The following CACNA1D variants were observed in gnomAD, a reference collection of about 807,000 sequenced individuals.
CACNA1D encodes the protein calcium voltage-gated channel subunit alpha1 D.
A neutral mutation model predicts 257.1 loss-of-function variants in CACNA1D; 55 were observed. The observed-to-expected ratio is 0.21, with a 90% CI of 0.17 to 0.27. The LOEUF (loss-of-function observed/expected upper bound fraction) is 0.27. CACNA1D is among the 10% of genes least tolerant of loss of function. CACNA1D has a pLI of 1.00. For synonymous variants in CACNA1D, 980 were observed against 1,014.9 expected (o/e 0.97, Z 0.65); for missense variants, 1,876 against 2,784.0 (o/e 0.67, Z 7.34).
At chr3:53,508,254 C>G (rs2090942970) in intron 3 of CACNA1D, among the ~76,000 whole-genome samples, 1 of 152,110 alleles carries the variant, frequency 6.6e-6, no homozygotes, top group East Asian at 1.9e-4. Context: ...CAACCCATCA[C>G]CTAGGTATTA....
chr3:53,708,760 T>TTCA (rs1353360825), intron 9 of CACNA1D, among the ~76,000 whole-genome samples: 1 of 152,166 alleles, frequency 6.6e-6, no homozygotes, highest in Non-Finnish European at 1.5e-5. Context: ...GTATATAAAG[T>TTCA]AAGAAAAAAA....
At chr3:53,528,544 G>T (rs1302752339) in intron 3 of CACNA1D, among the ~76,000 whole-genome samples, 3 of 152,100 alleles carry the variant, frequency 2.0e-5, no homozygotes, top group African/African-American at 7.2e-5. Flanking sequence ...CTAAATTTTA[G>T]AATTAACTTG....
intron 5 of CACNA1D, among the ~76,000 whole-genome samples, chr3:53,661,589 C>T (rs2094204256): frequency 6.6e-6 from 1 of 152,190 alleles, no homozygotes; most frequent in South Asian, 2.1e-4. Context: ...AATCTAATTT[C>T]AAAGTAACCA....
chr3:53,572,463 G>C (rs971938922), intron 3 of CACNA1D, among the ~76,000 whole-genome samples: 1 of 151,900 alleles, frequency 6.6e-6, no homozygotes, highest in Non-Finnish European at 1.5e-5. Flanking sequence ...GCAGTGGCAC[G>C]ATCTTGGCTC....
chr3:53,659,034 A>G (rs2094176578), intron 4 of CACNA1D, among the ~76,000 whole-genome samples: 1 of 152,236 alleles, frequency 6.6e-6, no homozygotes, highest in South Asian at 2.1e-4. Context: ...TTGTCTGCTC[A>G]TTAAACTTTG....
At chr3:53,771,825 A>C (rs936513904) in intron 32 of CACNA1D, among the ~76,000 whole-genome samples, 17 of 152,248 alleles carry the variant, frequency 1.1e-4, no homozygotes. Flanking sequence ...ATCTAGGAAG[A>C]AAATGCACGT....
chr3:53,770,199 C>T (rs770402709), intron 31 of CACNA1D, among the ~76,000 whole-genome samples, 182 bp downstream of exon 31: 6 of 152,222 alleles, frequency 3.9e-5, no homozygotes, highest in Non-Finnish European at 8.8e-5. Context: ...TCCTCTAACA[C>T]AGTAGAATAC....
intron 3 of CACNA1D, among the ~76,000 whole-genome samples, chr3:53,619,973 A>G (rs1326175409): frequency 1.3e-5 from 2 of 152,254 alleles, no homozygotes; most frequent in Non-Finnish European, 2.9e-5. Context: ...GGCCATGGGC[A>G]CAGACAGTTA....
chr3:53,585,634 G>A (rs1170508029), intron 3 of CACNA1D, among the ~76,000 whole-genome samples: 1 of 151,942 alleles, frequency 6.6e-6, no homozygotes, highest in Non-Finnish European at 1.5e-5. Flanking sequence ...TCCTTGTCTG[G>A]GGCGGCCCTG....
intron 9 of CACNA1D, 84 bp downstream of exon 9, chr3:53,702,894 C>T (rs1235200099): frequency 6.8e-7 from 1 of 1,478,482 alleles, no homozygotes; most frequent in Non-Finnish European, 9.3e-7. Flanking sequence ...TCGACTCTGA[C>T]CCAGGCTGTG....
At chr3:53,622,775 C>A (rs1395641236) in intron 3 of CACNA1D, among the ~76,000 whole-genome samples, 1 of 152,072 alleles carries the variant, frequency 6.6e-6, no homozygotes, top group Non-Finnish European at 1.5e-5. Flanking sequence ...GCATAGATGT[C>A]CGTCGGGAGA....
chr3:53,783,024 G>T (rs1262999766), intron 39 of CACNA1D: 5 of 152,188 alleles, frequency 3.3e-5, no homozygotes, highest in Non-Finnish European at 5.9e-5. Flanking sequence ...CTGTTTTAGG[G>T]TGGTGGCATG....
At chr3:53,548,207 G>C (rs1383043496) in intron 3 of CACNA1D, among the ~76,000 whole-genome samples, 2 of 152,190 alleles carry the variant, frequency 1.3e-5, no homozygotes, top group Admixed American at 6.5e-5. Flanking sequence ...AGAATGGTTA[G>C]AAAGTACTAC....
chr3:53,795,512 T>C (rs1250524465), intron 40 of CACNA1D, among the ~76,000 whole-genome samples: 1 of 152,206 alleles, frequency 6.6e-6, no homozygotes, highest in Non-Finnish European at 1.5e-5. Flanking sequence ...TTTGACTCAT[T>C]TGGGCACATA....
At chr3:53,584,934 T>C (rs956518578) in intron 3 of CACNA1D, among the ~76,000 whole-genome samples, 2 of 151,936 alleles carry the variant, frequency 1.3e-5, no homozygotes, top group Non-Finnish European at 2.9e-5. Context: ...AATGTCTCAA[T>C]AGACCAAGTT....
chr3:53,569,234 A>G (rs1274096235), intron 3 of CACNA1D, among the ~76,000 whole-genome samples: 2 of 152,186 alleles, frequency 1.3e-5, no homozygotes, highest in Admixed American at 1.3e-4. Context: ...TCCAGAAGCT[A>G]ACATCTCATG....
chr3:53,611,897 A>G (rs114377000), intron 3 of CACNA1D, among the ~76,000 whole-genome samples: 1,757 of 152,334 alleles, frequency 0.012, 38 homozygotes, highest in African/African-American at 0.04. Context: ...TAGACAATAC[A>G]CCAAAAAATG....
chr3:53,790,448 G>A (rs1045833741), intron 40 of CACNA1D, among the ~76,000 whole-genome samples: 8 of 152,206 alleles, frequency 5.3e-5, no homozygotes, highest in African/African-American at 1.2e-4. Context: ...CATGCACTCC[G>A]GTGGAATCCG....
intron 9 of CACNA1D, 31 bp downstream of exon 9, chr3:53,702,841 A>G (rs747706079): frequency 6.2e-7 from 1 of 1,613,306 alleles, no homozygotes; most frequent in Non-Finnish European, 8.5e-7. Flanking sequence ...CCCTGGCTAG[A>G]CAGACCCAGT....
Sources: allele counts gnomAD v4.1 joint callset (sites outside exome capture counted in the v4.1 genomes callset), GRCh38; gene constraint gnomAD v4.1.1; transcripts MANE v1.5; gene names NCBI Gene and HGNC (gene_info 2026-07-23, HGNC 2026-07-21).